The following NFATC1 variants were observed in gnomAD, a reference collection of about 807,000 sequenced individuals.
NFATC1 encodes the protein nuclear factor of activated T-cells, cytoplasmic 1.
Under a neutral mutation model 76.0 loss-of-function variants are expected in NFATC1, and 22 were observed. The ratio of observed to expected loss-of-function variants is 0.29; its 90% confidence interval spans 0.21 to 0.41. NFATC1 has a LOEUF of 0.41. Among genes scored for constraint, NFATC1 ranks in the 10% least tolerant of loss-of-function variants. The pLI, the probability that NFATC1 is intolerant of heterozygous loss-of-function variation, is 1.00. For synonymous variants in NFATC1, 704 were observed against 613.1 expected (o/e 1.15, Z -2.19); for missense variants, 1,357 against 1,337.7 (o/e 1.01, Z -0.23).
At chr18:79,408,225 A>G (rs1392566806) in intron 1 of NFATC1, among the ~76,000 whole-genome samples, 1 of 152,214 alleles carries the variant, frequency 6.6e-6, no homozygotes, top group African/African-American at 2.4e-5. Flanking sequence ...ACCACGACTT[A>G]GCGGAAAGAC....
intron 1 of NFATC1, among the ~76,000 whole-genome samples, chr18:79,406,927 G>C (rs7232354): frequency 6.6e-6 from 1 of 152,258 alleles, no homozygotes; most frequent in Non-Finnish European, 1.5e-5. Context: ...TCACCCAGGC[G>C]TGTGGGGCGT....
chr18:79,425,705 G>C (rs1239063185), intron 2 of NFATC1, among the ~76,000 whole-genome samples: 1 of 152,216 alleles, frequency 6.6e-6, no homozygotes, highest in Non-Finnish European at 1.5e-5. Flanking sequence ...TTCAGATGCT[G>C]GGGACGTGGC....
intron 8 of NFATC1, among the ~76,000 whole-genome samples, chr18:79,485,338 C>T (rs1247078398): frequency 6.6e-6 from 1 of 152,262 alleles, no homozygotes; most frequent in Non-Finnish European, 1.5e-5. Context: ...TTTAGAGCCA[C>T]TGAGCCGTCT....
intron 4 of NFATC1, among the ~76,000 whole-genome samples, chr18:79,450,615 A>G (rs1425333530): frequency 6.6e-6 from 1 of 152,148 alleles, no homozygotes; most frequent in Admixed American, 6.5e-5. Context: ...GGAGGCAGCC[A>G]GGACTTGGGA....
At chr18:79,526,062 C>CCA (rs993550434) in intron 9 of NFATC1, among the ~76,000 whole-genome samples, 3 of 152,216 alleles carry the variant, frequency 2.0e-5, no homozygotes, top group African/African-American at 7.2e-5. Flanking sequence ...CGTGCGACCC[C>CCA]CACACAGAAC....
At chr18:79,403,213 C>CG (rs1185980290) in intron 1 of NFATC1, among the ~76,000 whole-genome samples, 3 of 152,268 alleles carry the variant, frequency 2.0e-5, no homozygotes, top group Non-Finnish European at 4.4e-5. Flanking sequence ...AGGCTGCGGG[C>CG]ACAGGTCCCG....
chr18:79,401,309 C>T (rs766850554), intron 1 of NFATC1, among the ~76,000 whole-genome samples: 1 of 152,176 alleles, frequency 6.6e-6, no homozygotes, highest in East Asian at 2.0e-4. Context: ...GGACCTCCGC[C>T]GAGTCTGTAA....
rs189489678 is a variant in NFATC1, at chr18:79,419,241, C to T, written c.1226+7740C>T. Reference sequence around the variant, plus strand: ...TCTTGCCGTGTTGTCCAGGGCTGATCTGGAACTCCTGGCCTGAAGCAGTCC... The same window carrying T: ...TCTTGCCGTGTTGTCCAGGGCTGATTTGGAACTCCTGGCCTGAAGCAGTCC... On this transcript the variant is annotated intron_variant, in intron 2 of 9. Transcript: ENST00000427363. Among the ~76,000 whole-genome samples, 310 of 152,298 alleles carry T rather than the reference C, an allele frequency of 2.0e-3. 1 individual carries two copies. Among genetic ancestry groups the T allele is most frequent in the African/African-American group, 7.1e-3 (297 of 41,558 alleles).
chr18:79,487,747 C>T (rs1218986200), intron 9 of NFATC1, among the ~76,000 whole-genome samples: 1 of 152,148 alleles, frequency 6.6e-6, no homozygotes, highest in Non-Finnish European at 1.5e-5. Context: ...GGGGCGTGCC[C>T]GTGGCCCTGG....
intron 9 of NFATC1, among the ~76,000 whole-genome samples, chr18:79,512,114 G>C (rs1010763553): frequency 6.6e-6 from 1 of 152,078 alleles, no homozygotes; most frequent in Non-Finnish European, 1.5e-5. Flanking sequence ...AGGAGGAGCC[G>C]GCCTCAGGGA....
At chr18:79,463,814 A>G (rs1437122385) in intron 7 of NFATC1, among the ~76,000 whole-genome samples, 1 of 152,142 alleles carries the variant, frequency 6.6e-6, no homozygotes, top group Admixed American at 6.5e-5. Flanking sequence ...CCAGCCCCGC[A>G]CATGCACGCG....
intron 6 of NFATC1, among the ~76,000 whole-genome samples, chr18:79,459,324 A>C (rs1158889268): frequency 6.6e-6 from 1 of 152,196 alleles, no homozygotes; most frequent in Non-Finnish European, 1.5e-5. Context: ...AGACGCCTCC[A>C]TGCCGTCGTT....
At chr18:79,516,107 T>G (rs1043988403) in intron 9 of NFATC1, 32 of 152,100 alleles carry the variant, frequency 2.1e-4, no homozygotes, top group African/African-American at 7.5e-4. Context: ...TGTGCAACAT[T>G]CAGGCTAAAT....
chr18:79,450,921 G>T (rs183329788), intron 4 of NFATC1, 33 bp from the exon 5 acceptor site: 1 of 1,598,982 alleles, frequency 6.3e-7, no homozygotes, highest in Admixed American at 1.7e-5. Flanking sequence ...GTCAGCCATT[G>T]AAAGAAAAGC....
chr18:79,452,075 T>G, intron 6 of NFATC1: 1 of 370,762 alleles, frequency 2.7e-6, no homozygotes, highest in Non-Finnish European at 4.8e-6. Flanking sequence ...ACATCGCTGC[T>G]GATACTCAGG....
chr18:79,501,109 T>TA (rs894901321), intron 9 of NFATC1, among the ~76,000 whole-genome samples: 11 of 151,580 alleles, frequency 7.3e-5, no homozygotes, highest in East Asian at 3.9e-4. Context: ...TCCAACAACA[T>TA]AAAAAAAAGA....
intron 8 of NFATC1, among the ~76,000 whole-genome samples, chr18:79,480,762 G>C (rs559240626): frequency 6.6e-6 from 1 of 152,302 alleles, no homozygotes; most frequent in African/African-American, 2.4e-5. Context: ...AGCTGTGCAC[G>C]GGGCCTCTAG....
Position 79,446,822 on chromosome 18 carries a change from G to A in NFATC1, c.1387-1960G>A, listed in dbSNP as rs562887740. On this transcript the variant is annotated intron_variant, in intron 3 of 9. Transcript: ENST00000427363. ...TGCAGAGACTCCTGTGGGCATCTGC[G>A]CACATGGGGGCTGTGTCCTCATCCC... Among the ~76,000 whole-genome samples, 7 of 152,338 alleles carry A rather than the reference G, an allele frequency of 4.6e-5. No individual in the cohort carries two copies. In the South Asian group the frequency reaches 1.4e-3, roughly 32 times the overall value.
At chr18:79,478,064 C>G (rs2089144342) in intron 8 of NFATC1, among the ~76,000 whole-genome samples, 1 of 151,334 alleles carries the variant, frequency 6.6e-6, no homozygotes, top group South Asian at 2.1e-4. Context: ...AGGGCTGAGC[C>G]TGCCCCCTGC....
Sources: gnomAD v4.1 joint callset for allele counts (sites outside exome capture counted in the v4.1 genomes callset) on GRCh38, gnomAD v4.1.1 for gene constraint, MANE v1.5 for transcripts, NCBI Gene and HGNC (gene_info 2026-07-23, HGNC 2026-07-21) for gene names.